SLIT3: variants seen among roughly 807,000 people sequenced by gnomAD.
SLIT3 encodes the protein slit guidance ligand 3.
In SLIT3, 68 loss-of-function variants were observed where a neutral mutation model predicts 184.0. The observed-to-expected ratio is 0.37, with a 90% CI of 0.30 to 0.45. The LOEUF (loss-of-function observed/expected upper bound fraction) is 0.45, where lower values mean the gene tolerates loss of function less well. Ranked by LOEUF, SLIT3 falls within the 20% of genes least tolerant of loss-of-function variation. The pLI, the probability that SLIT3 is intolerant of heterozygous loss-of-function variation, is 1.00. For missense variants in SLIT3, 1,707 were observed against 2,026.0 expected, an observed-to-expected ratio of 0.84 and a Z score of 3.02; for synonymous variants, 831 against 828.6, an observed-to-expected ratio of 1.00 and a Z score of -0.05.
chr5:169,088,982 T>C (rs1759448026), intron 4 of SLIT3, among the ~76,000 whole-genome samples: 1 of 117,792 alleles, frequency 8.5e-6, no homozygotes, highest in African/African-American at 3.3e-5. Flanking sequence ...ATCATGCCAC[T>C]GAACTCCAGC....
chr5:168,802,108 T>C (rs1756785944), intron 9 of SLIT3, among the ~76,000 whole-genome samples: 2 of 148,708 alleles, frequency 1.3e-5, no homozygotes. Flanking sequence ...ATCTGGATTA[T>C]ATGGGTGGCC....
intron 4 of SLIT3, among the ~76,000 whole-genome samples, chr5:169,153,971 C>CT (rs1177389865): frequency 0.1 from 13,739 of 134,818 alleles, 1,396 homozygotes; most frequent in East Asian, 0.3. Flanking sequence ...TGCTCCCAGC[C>CT]TTTTTTTTTT....
At chr5:169,085,803 A>T (rs1464382369) in intron 4 of SLIT3, among the ~76,000 whole-genome samples, 3 of 152,190 alleles carry the variant, frequency 2.0e-5, no homozygotes, top group African/African-American at 7.2e-5. Context: ...TCCTTCTGTG[A>T]TATTCACAGC....
intron 4 of SLIT3, among the ~76,000 whole-genome samples, chr5:168,922,325 C>T (rs1260770780): frequency 2.0e-5 from 3 of 151,886 alleles, no homozygotes; most frequent in East Asian, 1.9e-4. Flanking sequence ...GGCATGGTGG[C>T]GGGTGCCTGT....
chr5:168,748,638 A>C (rs1428742914), intron 19 of SLIT3, among the ~76,000 whole-genome samples: 1 of 152,154 alleles, frequency 6.6e-6, no homozygotes, highest in Non-Finnish European at 1.5e-5. Context: ...TAAGATGAAG[A>C]CCATCAAGGA....
chr5:169,191,886 C>T (rs1398207588), intron 4 of SLIT3, among the ~76,000 whole-genome samples: 1 of 152,198 alleles, frequency 6.6e-6, no homozygotes, highest in East Asian at 1.9e-4. Flanking sequence ...ACCCCACCCA[C>T]ATAAAGTCGT....
At chr5:168,758,787 T>C (rs771149937) in intron 16 of SLIT3, among the ~76,000 whole-genome samples, 39 of 152,302 alleles carry the variant, frequency 2.6e-4, no homozygotes, top group Non-Finnish European at 5.0e-4. Flanking sequence ...AGGGAACTGA[T>C]GGGTGGGAGC....
intron 32 of SLIT3, among the ~76,000 whole-genome samples, chr5:168,678,064 C>T (rs928761157): frequency 1.3e-5 from 2 of 152,172 alleles, no homozygotes; most frequent in Non-Finnish European, 2.9e-5. Context: ...CGATAGGGGC[C>T]ACACTGCTAA....
intron 4 of SLIT3, among the ~76,000 whole-genome samples, chr5:169,141,943 G>A (rs1404527333): frequency 1.4e-5 from 2 of 146,170 alleles, no homozygotes; most frequent in Admixed American, 1.4e-4. Flanking sequence ...CCAGCTACTC[G>A]GGAGGCTGAG....
At chr5:168,960,092 T>G (rs1316530466) in intron 4 of SLIT3, among the ~76,000 whole-genome samples, 1 of 152,232 alleles carries the variant, frequency 6.6e-6, no homozygotes, top group Non-Finnish European at 1.5e-5. Flanking sequence ...TCAGGTATTC[T>G]GTTGTATATT....
At chr5:168,848,518 T>C (rs1053425957) in intron 5 of SLIT3, among the ~76,000 whole-genome samples, 1 of 152,166 alleles carries the variant, frequency 6.6e-6, no homozygotes, top group Non-Finnish European at 1.5e-5. Context: ...CTCAGTTTGA[T>C]TTACACTCCC....
chr5:169,251,558 A>G (rs1372992520), intron 1 of SLIT3, 99 bp from the exon 2 acceptor site: 1 of 809,102 alleles, frequency 1.2e-6, no homozygotes, highest in East Asian at 2.5e-5. Flanking sequence ...GCTTGTCCAG[A>G]AGGCGGCAAT....
intron 1 of SLIT3, among the ~76,000 whole-genome samples, chr5:169,264,224 C>T (rs944458679): frequency 3.3e-5 from 5 of 151,950 alleles, no homozygotes; most frequent in South Asian, 2.1e-4. Flanking sequence ...GACAGAGTCT[C>T]GCTCTGTCTC....
At chr5:169,195,064 A>C (rs1049305444) in intron 3 of SLIT3, among the ~76,000 whole-genome samples, 1 of 152,148 alleles carries the variant, frequency 6.6e-6, no homozygotes, top group African/African-American at 2.4e-5. Flanking sequence ...GAATTTTTCT[A>C]CTTAGAGTGA....
At chr5:168,923,051 C>G (rs1013817474) in intron 4 of SLIT3, among the ~76,000 whole-genome samples, 1 of 152,254 alleles carries the variant, frequency 6.6e-6, no homozygotes, top group African/African-American at 2.4e-5. Flanking sequence ...ATGTGCTTGA[C>G]TAGATGGGAG....
chr5:168,922,044 C>T (rs764181245), intron 4 of SLIT3, among the ~76,000 whole-genome samples: 2 of 152,210 alleles, frequency 1.3e-5, no homozygotes, highest in East Asian at 1.9e-4. Flanking sequence ...ATGAAATGAA[C>T]TCCATTTTAC....
At chr5:168,877,183 T>G (rs1326696472) in intron 5 of SLIT3, among the ~76,000 whole-genome samples, 1 of 152,114 alleles carries the variant, frequency 6.6e-6, no homozygotes, top group Non-Finnish European at 1.5e-5. Flanking sequence ...TGAGATAATT[T>G]CAGAGGGTGA....
chr5:168,670,082 C>T lies in SLIT3; in HGVS notation c.4128-91G>A, dbSNP rs569595427. The T allele has an allele frequency of 3.7e-4, 388 of 1,054,186 alleles. 3 individuals are homozygous for T. Among genetic ancestry groups the T allele is most frequent in the South Asian group, 1.2e-3 (88 of 73,558 alleles). 65.3% of individuals were successfully genotyped at this position (1,054,186 alleles called of 1,614,324 possible). On this transcript the variant is annotated intron_variant, in intron 34 of 35. Transcript: ENST00000519560. ...GTCCACCCAGCCAGGGACCAGGGGA[C>T]CCGGAGCTGAGTACAGTCCAATAGC... is the stretch of plus-strand genomic sequence containing the variant.
At chr5:169,227,893 GCTC>G (rs1211109881) in intron 3 of SLIT3, among the ~76,000 whole-genome samples, 11 of 152,202 alleles carry the variant, frequency 7.2e-5, no homozygotes, top group Admixed American at 2.6e-4. Context: ...CTTAGCCTGT[GCTC>G]CTCATCTTCA....
Sources: allele counts gnomAD v4.1 joint callset (sites outside exome capture counted in the v4.1 genomes callset), GRCh38; gene constraint gnomAD v4.1.1; transcripts MANE v1.5; gene names NCBI Gene and HGNC (gene_info 2026-07-23, HGNC 2026-07-21).